MYO3B: variants seen among roughly 807,000 people sequenced by gnomAD.
The protein encoded by MYO3B is myosin IIIB, also known as myosin-IIIb.
Under a neutral mutation model 174.6 loss-of-function variants are expected in MYO3B, and 156 were observed. The ratio of observed to expected loss-of-function variants is 0.89; its 90% CI spans 0.78 to 1.02. The LOEUF (loss-of-function observed/expected upper bound fraction) is 1.02. Among genes scored for constraint, MYO3B ranks in the 50% least tolerant of loss-of-function variants. The pLI is 0.00. For missense variants in MYO3B, 1,632 were observed against 1,639.4 expected, an observed-to-expected ratio of 1.00 and a Z score of 0.08; for synonymous variants, 563 against 569.1, an observed-to-expected ratio of 0.99 and a Z score of 0.15.
At chr2:170,465,877 C>T (rs1455968477) in intron 24 of MYO3B, among the ~76,000 whole-genome samples, 1 of 152,096 alleles carries the variant, frequency 6.6e-6, no homozygotes, top group Non-Finnish European at 1.5e-5. Flanking sequence ...CAGTGGATGC[C>T]CCTGAGGAAC....
At chr2:170,554,906 T>C (rs563578764) in intron 32 of MYO3B, among the ~76,000 whole-genome samples, 1 of 152,310 alleles carries the variant, frequency 6.6e-6, no homozygotes, top group South Asian at 2.1e-4. Flanking sequence ...TTTTCTTATT[T>C]GATATAATTG....
intron 7 of MYO3B, among the ~76,000 whole-genome samples, chr2:170,317,190 A>G (rs2093781832): frequency 6.6e-6 from 1 of 152,190 alleles, no homozygotes; most frequent in Admixed American, 6.5e-5. Context: ...AGATGTGGTT[A>G]TTACCGAGAA....
chr2:170,418,518 G>T (rs566701868), intron 22 of MYO3B, among the ~76,000 whole-genome samples: 13 of 152,314 alleles, frequency 8.5e-5, no homozygotes, highest in Non-Finnish European at 1.8e-4. Context: ...CTTCATAAAA[G>T]CTCTAGCACC....
At chr2:170,556,289 C>T (rs1323799032) in intron 32 of MYO3B, among the ~76,000 whole-genome samples, 2 of 152,064 alleles carry the variant, frequency 1.3e-5, no homozygotes, top group East Asian at 1.9e-4. Flanking sequence ...AGTGAACCTA[C>T]CATAAACATT....
intron 32 of MYO3B, among the ~76,000 whole-genome samples, chr2:170,606,411 C>T (rs1250845526): frequency 6.6e-6 from 1 of 152,194 alleles, no homozygotes; most frequent in Non-Finnish European, 1.5e-5. Context: ...TTTTCTCATT[C>T]TTCAGGCCTC....
At position 170,178,258 on chromosome 2, in the gene MYO3B, C is replaced by A; in HGVS notation, c.-30C>A. 6.2e-7 allele frequency: 1 copy of A among 1,614,106 alleles called. No homozygotes were observed. The highest frequency in any genetic ancestry group is 8.5e-7 in the Non-Finnish European group (1 of 1,179,916). On this transcript the variant is annotated 5_prime_UTR_variant, in exon 1 of 35. Coordinates refer to ENST00000408978, the MANE Select transcript of MYO3B (RefSeq NM_138995.5). ...TTGGAGGAATGAGAATCCAATCTCT[C>A]ATAAGCCGGATTCAGAAAATAGGTC...
chr2:170,636,792 CA>C (rs1276586967), intron 32 of MYO3B, among the ~76,000 whole-genome samples: 1 of 152,078 alleles, frequency 6.6e-6, no homozygotes, highest in Non-Finnish European at 1.5e-5. Flanking sequence ...TTGACTAAAC[CA>C]AGACAACCAA....
At chr2:170,380,283 T>G (rs1471111009) in intron 9 of MYO3B, among the ~76,000 whole-genome samples, 1 of 24,672 alleles carries the variant, frequency 4.1e-5, no homozygotes, top group Non-Finnish European at 1.8e-4. Flanking sequence ...GTAATGTGTG[T>G]AGTTATGCAA....
At chr2:170,646,896 T>C in intron 32 of MYO3B, 1 of 1,354,360 alleles carries the variant, frequency 7.4e-7, no homozygotes, top group South Asian at 1.1e-5. Flanking sequence ...TATTTCTCTG[T>C]CTCTCGCCTC....
At chr2:170,504,705 A>G (rs1023080856) in intron 28 of MYO3B, among the ~76,000 whole-genome samples, 4 of 152,184 alleles carry the variant, frequency 2.6e-5, no homozygotes, top group Admixed American at 2.6e-4. Flanking sequence ...GCCCTCCTCC[A>G]GGCAGCCCTC....
At chr2:170,202,507 A>G (rs1228550830) in intron 3 of MYO3B, among the ~76,000 whole-genome samples, 2 of 152,236 alleles carry the variant, frequency 1.3e-5, no homozygotes, top group African/African-American at 2.4e-5. Context: ...TGAGGGACAG[A>G]GGCCCACAGA....
chr2:170,631,184 C>G (rs1311903996), intron 32 of MYO3B, among the ~76,000 whole-genome samples: 1 of 152,042 alleles, frequency 6.6e-6, no homozygotes, highest in Admixed American at 6.6e-5. Context: ...ACTAGAATAA[C>G]CAATGCAGAG....
intron 22 of MYO3B, among the ~76,000 whole-genome samples, chr2:170,409,682 C>T (rs984678986): frequency 6.6e-6 from 1 of 152,242 alleles, no homozygotes; most frequent in East Asian, 1.9e-4. Context: ...TAATAAGGTA[C>T]TTTTTAGGCA....
intron 25 of MYO3B, among the ~76,000 whole-genome samples, chr2:170,485,078 G>A (rs931946803): frequency 2.6e-5 from 4 of 151,966 alleles, no homozygotes; most frequent in African/African-American, 9.7e-5. Flanking sequence ...AATGGGAAAA[G>A]CGTTTATTTC....
At chr2:170,595,873 T>C (rs1300859808) in intron 32 of MYO3B, among the ~76,000 whole-genome samples, 1 of 149,186 alleles carries the variant, frequency 6.7e-6, no homozygotes, top group Non-Finnish European at 1.5e-5. Flanking sequence ...GCCTAACTAA[T>C]GAATGAGGCT....
rs144509333 is a variant in MYO3B, at chr2:170,321,467, A to G, written c.750-13918A>G. Among the ~76,000 whole-genome samples, 28 of 152,304 alleles carry G rather than the reference A, an allele frequency of 1.8e-4. 1 individual carries two copies. The East Asian group carries it at 5.4e-3, about 29-fold the overall frequency. On this transcript the variant is annotated intron_variant, in intron 7 of 34. Coordinates refer to ENST00000408978, the MANE Select transcript of MYO3B (RefSeq NM_138995.5). Reference sequence around the variant, plus strand: ...TACAAAAAATAAAAAGAGGGAAGTAACTACAGATACAGAGGAAGTTAAAAG... The same window carrying G: ...TACAAAAAATAAAAAGAGGGAAGTAGCTACAGATACAGAGGAAGTTAAAAG...
At chr2:170,420,305 G>A (rs1340755155) in intron 22 of MYO3B, among the ~76,000 whole-genome samples, 3 of 152,116 alleles carry the variant, frequency 2.0e-5, no homozygotes, top group African/African-American at 7.2e-5. Context: ...ACTATGCTAC[G>A]GTTAAGGAGC....
intron 6 of MYO3B, among the ~76,000 whole-genome samples, chr2:170,220,699 A>C (rs1025815404): frequency 6.6e-6 from 1 of 151,486 alleles, no homozygotes; most frequent in African/African-American, 2.4e-5. Context: ...CTTTTTGCTC[A>C]GATTCCCTGG....
At chr2:170,205,068 TTA>T (rs1398393514) in intron 3 of MYO3B, among the ~76,000 whole-genome samples, 1 of 152,170 alleles carries the variant, frequency 6.6e-6, no homozygotes, top group Non-Finnish European at 1.5e-5. Context: ...AGCAGTTTAA[TTA>T]TATGTTTCTG....
Sources: allele counts gnomAD v4.1 joint callset (sites outside exome capture counted in the v4.1 genomes callset), GRCh38; gene constraint gnomAD v4.1.1; transcripts MANE v1.5; gene names NCBI Gene and HGNC (gene_info 2026-07-23, HGNC 2026-07-21).